PEX5L: variants seen among roughly 807,000 people sequenced by gnomAD.
PEX5L encodes the protein peroxisomal biogenesis factor 5 like.
Under a neutral mutation model 84.0 loss-of-function variants are expected in PEX5L, and 30 were observed. The observed-to-expected ratio is 0.36, with a 90% CI of 0.27 to 0.48. The LOEUF (loss-of-function observed/expected upper bound fraction) is 0.48. Ranked by LOEUF, PEX5L falls within the 20% of genes least tolerant of loss-of-function variation. The pLI is 0.99. For synonymous variants in PEX5L, 270 were observed against 283.1 expected (o/e 0.95, Z 0.46); for missense variants, 533 against 754.6 (o/e 0.71, Z 3.44).
intron 2 of PEX5L, among the ~76,000 whole-genome samples, chr3:179,931,319 A>G (rs185809445): frequency 6.6e-6 from 1 of 152,326 alleles, no homozygotes; most frequent in East Asian, 1.9e-4. Flanking sequence ...CTCAAAGGAC[A>G]TCTATTCAAT....
intron 1 of PEX5L, among the ~76,000 whole-genome samples, chr3:180,011,828 AT>A (rs995681504): frequency 1.3e-5 from 2 of 152,062 alleles, no homozygotes; most frequent in African/African-American, 4.8e-5. Flanking sequence ...TTAAAGGGCT[AT>A]TTTTTAAACT....
intron 1 of PEX5L, among the ~76,000 whole-genome samples, chr3:180,007,356 A>G (rs1001726342): frequency 1.8e-4 from 27 of 152,320 alleles, no homozygotes; most frequent in African/African-American, 6.5e-4. Context: ...GTGGCTTTGC[A>G]GGGTACAGCC....
intron 3 of PEX5L, among the ~76,000 whole-genome samples, chr3:179,889,041 T>C (rs1756808507): frequency 6.6e-6 from 1 of 152,124 alleles, no homozygotes; most frequent in Admixed American, 6.5e-5. Flanking sequence ...CCTCCTAAAG[T>C]GTTGAGATTA....
intron 4 of PEX5L, among the ~76,000 whole-genome samples, chr3:179,887,321 AAAT>A (rs142557514): frequency 0.016 from 2,398 of 152,332 alleles, 74 homozygotes; most frequent in African/African-American, 0.055. Flanking sequence ...ATATTTCCAG[AAAT>A]AATTGGACCA....
chr3:179,848,928 T>C (rs1439521995), intron 8 of PEX5L, among the ~76,000 whole-genome samples: 1 of 152,146 alleles, frequency 6.6e-6, no homozygotes, highest in African/African-American at 2.4e-5. Flanking sequence ...CTTCCCTGCA[T>C]AGAATGGAGC....
Position 180,020,156 on chromosome 3 carries a change from C to T in PEX5L, c.21+16423G>A, listed in dbSNP as rs114104593. The stretch of plus-strand genomic sequence containing the variant: ...TCAAATAACGCCATGATATTCATTT[C>T]GCTTACAATTATATAATCCATGGGG... On this transcript the variant is annotated intron_variant, in intron 1 of 14. Transcript: ENST00000467460. Among the ~76,000 whole-genome samples the T allele has an allele frequency of 9.7e-3, 1,474 of 152,188 alleles. 24 individuals carry two copies. The highest frequency in any genetic ancestry group is 0.033 in the African/African-American group (1,353 of 41,548).
chr3:179,968,697 C>CTGTGTGTGTGTGTGTG (rs67094806), intron 2 of PEX5L, among the ~76,000 whole-genome samples: 16 of 144,068 alleles, frequency 1.1e-4, no homozygotes, highest in Admixed American at 2.1e-4. Flanking sequence ...ATTTAAATGA[C>CTGTGTGTGTGTGTGTG]TGTGTGTGTG....
At chr3:179,938,002 T>C (rs545546354) in intron 2 of PEX5L, among the ~76,000 whole-genome samples, 3 of 152,052 alleles carry the variant, frequency 2.0e-5, no homozygotes, top group African/African-American at 7.2e-5. Context: ...CTCCTCCATC[T>C]CTACCTCCAC....
chr3:179,811,562 G>T (rs1046841829), intron 11 of PEX5L, among the ~76,000 whole-genome samples: 5 of 152,168 alleles, frequency 3.3e-5, no homozygotes, highest in Non-Finnish European at 7.3e-5. Context: ...TTTAACACAG[G>T]CTTTCTCTGG....
At chr3:179,985,088 A>G (rs899958652) in intron 1 of PEX5L, among the ~76,000 whole-genome samples, 12 of 152,334 alleles carry the variant, frequency 7.9e-5, no homozygotes, top group Non-Finnish European at 1.5e-4. Flanking sequence ...AATCAAAGCA[A>G]GGGCTGAGTA....
chr3:179,936,559 A>AGCATAATCAGTCAAT (rs1197976645), intron 2 of PEX5L, among the ~76,000 whole-genome samples: 1 of 36,522 alleles, frequency 2.7e-5, no homozygotes, highest in African/African-American at 1.0e-4. Flanking sequence ...GATTCTGAGT[A>AGCATAATCAGTCAAT]ACTTAATTCT....
intron 7 of PEX5L, among the ~76,000 whole-genome samples, chr3:179,871,229 C>A (rs911582538): frequency 6.6e-6 from 1 of 151,170 alleles, no homozygotes; most frequent in Admixed American, 6.6e-5. Flanking sequence ...CAGCCTCCTG[C>A]GTAGCTGGGA....
At position 179,801,795 on chromosome 3, in the gene PEX5L, T is replaced by A; in HGVS notation, c.*33A>T. ...TGATTTTTCAGTACAATCACACAGA[T>A]CAGGGATTATTAGTACTGGTATTAT... On this transcript the variant is annotated 3_prime_UTR_variant, in exon 15 of 15. Transcript: ENST00000467460. 7.9e-7 allele frequency: 1 copy of A among 1,259,554 alleles called. No individual in the cohort carries two copies. Among genetic ancestry groups the A allele is most frequent in the Non-Finnish European group, 1.2e-6 (1 of 856,152 alleles). The allele number at this position is 1,259,554 out of a possible 1,614,324, so 78.0% of individuals were successfully genotyped here. A position where few individuals can be genotyped will look rare whatever the true frequency, so the allele number is the denominator to read the frequency against.
At chr3:179,810,391 C>T (rs2108794815) in intron 11 of PEX5L, among the ~76,000 whole-genome samples, 1 of 152,232 alleles carries the variant, frequency 6.6e-6, no homozygotes, top group Admixed American at 6.5e-5. Context: ...ATTTTACAGT[C>T]TTTTGCAAAG....
At chr3:179,923,074 A>G (rs749137729) in intron 2 of PEX5L, among the ~76,000 whole-genome samples, 106 of 151,720 alleles carry the variant, frequency 7.0e-4, no homozygotes, top group Non-Finnish European at 1.3e-3. Flanking sequence ...CGGATCACGA[A>G]GTCAGGAGAT....
intron 2 of PEX5L, among the ~76,000 whole-genome samples, chr3:179,959,069 A>C (rs1201152847): frequency 6.6e-6 from 1 of 152,178 alleles, no homozygotes; most frequent in East Asian, 1.9e-4. Flanking sequence ...CGAAAAAAAA[A>C]AAATAAAAAA....
At position 179,955,477 on chromosome 3, in the gene PEX5L, T is replaced by TC. The variant is rs1366073779; in HGVS notation, c.93+16116dup. 6.4e-3 allele frequency among the ~76,000 whole-genome samples: 283 copies of TC among 43,906 alleles called. 2 individuals carry two copies. The highest frequency in any genetic ancestry group is 0.015 in the South Asian group (7 of 480). The allele number at this position is 43,906 out of a possible 152,430, so 28.8% of individuals were successfully genotyped here. On this transcript the variant is annotated intron_variant, in intron 2 of 14. Coordinates refer to ENST00000467460, the MANE Select transcript of PEX5L (RefSeq NM_016559.3). ...AGACTCACTATGAGTTCTGCTATGC[T>TC]CTTTTTTTTTTTTTTTTTTTTCAAA...
intron 1 of PEX5L, among the ~76,000 whole-genome samples, chr3:180,002,320 T>C (rs1788498660): frequency 6.6e-6 from 1 of 152,168 alleles, no homozygotes; most frequent in Non-Finnish European, 1.5e-5. Context: ...GTTGCCAGGT[T>C]ACAAGCTTGC....
At chr3:179,878,663 T>A (rs965045251) in intron 5 of PEX5L, among the ~76,000 whole-genome samples, 1 of 152,214 alleles carries the variant, frequency 6.6e-6, no homozygotes, top group African/African-American at 2.4e-5. Context: ...TCTCCTGATC[T>A]ATCTTGAATC....
Sources: gnomAD v4.1 joint callset for allele counts (sites outside exome capture counted in the v4.1 genomes callset) on GRCh38, gnomAD v4.1.1 for gene constraint, MANE v1.5 for transcripts, NCBI Gene and HGNC (gene_info 2026-07-23, HGNC 2026-07-21) for gene names.